The following KCNT2 variants were observed in gnomAD, a reference collection of about 807,000 sequenced individuals.
KCNT2 encodes potassium sodium-activated channel subfamily T member 2.
Under a neutral mutation model 153.8 loss-of-function variants are expected in KCNT2, and 67 were observed. The ratio of observed to expected loss-of-function variants is 0.44; its 90% CI spans 0.36 to 0.53. The LOEUF (loss-of-function observed/expected upper bound fraction) is 0.53. Ranked by LOEUF, KCNT2 falls within the 20% of genes least tolerant of loss-of-function variation. The probability of loss-of-function intolerance (pLI) is 0.00; values close to 1 mark genes in which losing one functional copy is unlikely to be tolerated. For synonymous variants in KCNT2, 500 were observed against 458.8 expected, an observed-to-expected ratio of 1.09 and a Z score of -1.15; for missense variants, 975 against 1,354.8, an observed-to-expected ratio of 0.72 and a Z score of 4.40.
intron 25 of KCNT2, among the ~76,000 whole-genome samples, chr1:196,274,365 A>G (rs1318458085): frequency 6.6e-6 from 1 of 151,688 alleles, no homozygotes; most frequent in Non-Finnish European, 1.5e-5. Context: ...AGTATTATCT[A>G]TAACTGAAAA....
At chr1:196,336,514 T>C (rs1665050930) in intron 16 of KCNT2, among the ~76,000 whole-genome samples, 1 of 152,180 alleles carries the variant, frequency 6.6e-6, no homozygotes, top group African/African-American at 2.4e-5. Context: ...TCTCTCTGCC[T>C]TCCTTACTTG....
chr1:196,271,058 G>A lies in KCNT2; in HGVS notation c.2910+9802C>T, dbSNP rs149360733. On this transcript the variant is annotated intron_variant, in intron 25 of 27. Coordinates refer to ENST00000294725, the MANE Select transcript of KCNT2 (RefSeq NM_198503.5). ...CAACCACACACACACAAACACACACGCACACACACATAATTCCCTTATCCT... is the reference window on the plus strand; with the variant it reads ...CAACCACACACACACAAACACACACACACACACACATAATTCCCTTATCCT... Among the ~76,000 whole-genome samples, 275 of 151,446 alleles carry A rather than the reference G, an allele frequency of 1.8e-3. 1 individual carries two copies. The highest frequency in any genetic ancestry group is 5.0e-3 in the African/African-American group (206 of 41,378).
At chr1:196,581,138 T>C (rs1308671026) in intron 1 of KCNT2, among the ~76,000 whole-genome samples, 1 of 152,150 alleles carries the variant, frequency 6.6e-6, no homozygotes, top group African/African-American at 2.4e-5. Context: ...TAGTCATTCT[T>C]TTAGCATTTT....
chr1:196,559,788 T>C (rs1659144496), intron 1 of KCNT2, among the ~76,000 whole-genome samples: 1 of 151,832 alleles, frequency 6.6e-6, no homozygotes, highest in Admixed American at 6.6e-5. Context: ...TAATTAGTTC[T>C]TTGCAAAATA....
In KCNT2 at chr1:196,387,867, G is replaced by A. The variant is rs535204131; in HGVS notation, c.1294+10696C>T. ...ATATTTTCATTCCAGTCTGGGGTTC[G>A]CCATTCTTTGAAATTGTCTAGTGAA... On this transcript the variant is annotated intron_variant, in intron 13 of 27. Coordinates refer to ENST00000294725, the MANE Select transcript of KCNT2 (RefSeq NM_198503.5). Among the ~76,000 whole-genome samples, 64 of 150,288 alleles carry A rather than the reference G, an allele frequency of 4.3e-4. 1 individual carries two copies. Among genetic ancestry groups the A allele is most frequent in the Non-Finnish European group, 8.1e-4 (55 of 67,560 alleles).
intron 8 of KCNT2, among the ~76,000 whole-genome samples, chr1:196,446,162 A>G (rs1420855115): frequency 6.6e-6 from 1 of 151,470 alleles, no homozygotes; most frequent in Non-Finnish European, 1.5e-5. Flanking sequence ...AGATGCTACC[A>G]TTCAATAAAA....
At chr1:196,471,381 A>T (rs1322675360) in intron 5 of KCNT2, among the ~76,000 whole-genome samples, 9 of 152,196 alleles carry the variant, frequency 5.9e-5, no homozygotes, top group Non-Finnish European at 2.9e-5. Context: ...GGACTATTTA[A>T]CAAAAGAGTT....
chr1:196,288,063 A>G (rs1363867241), intron 22 of KCNT2, among the ~76,000 whole-genome samples: 1 of 151,988 alleles, frequency 6.6e-6, no homozygotes, highest in Non-Finnish European at 1.5e-5. Flanking sequence ...GAAATTTGGG[A>G]AGAGTGAGTG....
chr1:196,459,903 A>G (rs1298343719), intron 8 of KCNT2, among the ~76,000 whole-genome samples: 2 of 151,832 alleles, frequency 1.3e-5, no homozygotes, highest in African/African-American at 2.4e-5. Context: ...GTCCCAAATC[A>G]GGGAAACTGA....
chr1:196,301,312 C>T lies in KCNT2; in HGVS notation c.2595+3922G>A, dbSNP rs764203389. Among the ~76,000 whole-genome samples, 4 of 152,146 alleles carry T rather than the reference C, an allele frequency of 2.6e-5. No homozygotes were observed. In the South Asian group the frequency reaches 6.2e-4, roughly 24 times the overall value. ...GTATATAACCATGTGTACCCCATTG[C>T]ATGGTGGGGCAATCACTTGGTGATT... On this transcript the variant is annotated intron_variant, in intron 22 of 27. Coordinates refer to ENST00000294725, the MANE Select transcript of KCNT2 (RefSeq NM_198503.5).
intron 1 of KCNT2, among the ~76,000 whole-genome samples, chr1:196,599,072 C>T (rs577255796): frequency 2.1e-4 from 32 of 152,308 alleles, no homozygotes; most frequent in African/African-American, 7.5e-4. Context: ...GTGGCAGTGA[C>T]AGAAGTCATT....
At chr1:196,302,040 G>A (rs1026586138) in intron 22 of KCNT2, among the ~76,000 whole-genome samples, 1 of 152,046 alleles carries the variant, frequency 6.6e-6, no homozygotes, top group Non-Finnish European at 1.5e-5. Context: ...ACGCCCAGCT[G>A]TGATTTAAAA....
At chr1:196,297,705 G>T (rs1338298145) in intron 22 of KCNT2, among the ~76,000 whole-genome samples, 1 of 152,130 alleles carries the variant, frequency 6.6e-6, no homozygotes, top group Non-Finnish European at 1.5e-5. Context: ...AACAGGATAA[G>T]AATCTTTCTT....
chr1:196,447,130 T>C (rs1345583857), intron 8 of KCNT2, among the ~76,000 whole-genome samples: 1 of 151,614 alleles, frequency 6.6e-6, no homozygotes, highest in Admixed American at 6.6e-5. Flanking sequence ...CAATGAAATA[T>C]TTTGCCTCAA....
intron 8 of KCNT2, among the ~76,000 whole-genome samples, chr1:196,442,105 G>T (rs750413461): frequency 5.3e-5 from 8 of 151,720 alleles, no homozygotes; most frequent in Non-Finnish European, 7.4e-5. Context: ...CCAACATTAA[G>T]CAGTTAAACG....
chr1:196,403,940 C>T (rs555710061), intron 12 of KCNT2, among the ~76,000 whole-genome samples: 1 of 151,594 alleles, frequency 6.6e-6, no homozygotes, highest in East Asian at 2.0e-4. Context: ...TTATCTTAAC[C>T]CTTGGCAACA....
intron 5 of KCNT2, among the ~76,000 whole-genome samples, chr1:196,470,774 G>A (rs773146115): frequency 3.9e-5 from 6 of 152,134 alleles, no homozygotes; most frequent in Non-Finnish European, 8.8e-5. Context: ...GGCCTCCCAT[G>A]ATAATTCCCT....
intron 1 of KCNT2, among the ~76,000 whole-genome samples, chr1:196,584,075 C>T (rs1662370876): frequency 6.6e-6 from 1 of 151,468 alleles, no homozygotes; most frequent in African/African-American, 2.4e-5. Context: ...ATATAAAAGT[C>T]ACCAAACTAA....
intron 12 of KCNT2, among the ~76,000 whole-genome samples, chr1:196,420,126 G>A (rs976567907): frequency 3.3e-5 from 5 of 151,402 alleles, no homozygotes; most frequent in African/African-American, 1.2e-4. Flanking sequence ...ATGTTCTTAG[G>A]TTTACCTTCT....
Sources: gnomAD v4.1 joint callset for allele counts (sites outside exome capture counted in the v4.1 genomes callset) on GRCh38, gnomAD v4.1.1 for gene constraint, MANE v1.5 for transcripts, NCBI Gene and HGNC (gene_info 2026-07-23, HGNC 2026-07-21) for gene names.